PCDHGA1: variants seen among roughly 807,000 people sequenced by gnomAD.
PCDHGA1 encodes protocadherin gamma subfamily A, 1.
PCDHGA1 carries 32 observed loss-of-function variants against 58.0 expected under a neutral mutation model. The ratio of observed to expected loss-of-function variants is 0.55; its 90% CI spans 0.42 to 0.74. PCDHGA1 has a LOEUF of 0.74. PCDHGA1 is among the 30% of genes least tolerant of loss of function. The pLI is 0.00. For synonymous variants in PCDHGA1, 498 were observed against 501.1 expected (o/e 0.99, Z 0.08); for missense variants, 1,205 against 1,182.3 (o/e 1.02, Z -0.28).
At chr5:141,379,960 T>C (rs1490584684) in intron 1 of PCDHGA1, among the ~76,000 whole-genome samples, 1 of 140,094 alleles carries the variant, frequency 7.1e-6, no homozygotes, top group East Asian at 2.3e-4. Flanking sequence ...AATGCAGTGG[T>C]GTGATCTCTG....
intron 1 of PCDHGA1, chr5:141,423,748 T>TG: frequency 7.2e-6 from 2 of 278,014 alleles, no homozygotes; most frequent in Admixed American, 4.2e-4. Flanking sequence ...ATGAAAACTG[T>TG]TTGGGGGGGG....
chr5:141,458,990 C>T (rs2098958778), intron 1 of PCDHGA1, among the ~76,000 whole-genome samples: 1 of 152,212 alleles, frequency 6.6e-6, no homozygotes, highest in Non-Finnish European at 1.5e-5. Context: ...GCCTCACCCT[C>T]CCAAAGTGCT....
At chr5:141,396,656 G>A (rs6580187) in intron 1 of PCDHGA1, 27,943 of 151,880 alleles carry the variant, frequency 0.18, 3,100 homozygotes, top group African/African-American at 0.31. Flanking sequence ...GTAAAAACTC[G>A]GTATAGGCTA....
chr5:141,407,807 T>C (rs916388568), intron 1 of PCDHGA1, among the ~76,000 whole-genome samples: 1 of 152,202 alleles, frequency 6.6e-6, no homozygotes, highest in African/African-American at 2.4e-5. Flanking sequence ...CATAGAAATA[T>C]CTACTATAAT....
chr5:141,365,390 A>T (rs1763883184), intron 1 of PCDHGA1: 1 of 1,613,850 alleles, frequency 6.2e-7, no homozygotes, highest in African/African-American at 1.3e-5. Context: ...CTCTCTGACC[A>T]GTTCGATCTC....
At chr5:141,365,654 G>A (rs952946348) in intron 1 of PCDHGA1, 4 of 1,613,378 alleles carry the variant, frequency 2.5e-6, no homozygotes, top group Non-Finnish European at 3.4e-6. Flanking sequence ...CCCCTTGAAA[G>A]TAGCAGACGT....
intron 1 of PCDHGA1, among the ~76,000 whole-genome samples, chr5:141,461,985 G>C (rs894777268): frequency 2.6e-5 from 4 of 152,170 alleles, no homozygotes; most frequent in Non-Finnish European, 5.9e-5. Flanking sequence ...CACCACGCCA[G>C]GCTAATTTTG....
intron 1 of PCDHGA1, chr5:141,365,631 C>G (rs973353724): frequency 6.2e-7 from 1 of 1,613,644 alleles, no homozygotes; most frequent in African/African-American, 1.3e-5. Flanking sequence ...CCCCTCTCTA[C>G]AGAAAGCCAC....
chr5:141,417,618 G>C, intron 1 of PCDHGA1: 3 of 654,348 alleles, frequency 4.6e-6, no homozygotes, highest in Non-Finnish European at 7.4e-6. Flanking sequence ...CCAGTGCAGA[G>C]CAAGCGCTGA....
chr5:141,420,911 T>C (rs948220220), intron 1 of PCDHGA1: 6 of 313,968 alleles, frequency 1.9e-5, no homozygotes, highest in Admixed American at 1.8e-4. Flanking sequence ...CAAATACGTG[T>C]GATTCACAAA....
Position 141,431,804 on chromosome 5 carries a change from C to G in PCDHGA1, c.2422-63003C>G. On this transcript the variant is annotated intron_variant, in intron 1 of 3. Transcript: ENST00000517417. This position sits in a 1 kb window ranked among gnomAD's most constrained non-coding sequence, Gnocchi z 4.8. Reference sequence around the variant, plus strand: ...GAACGACAATGCCCCAGAAGTGGTCCTCACCTCTCTCGCCAGCTCGGTTCC... The same window carrying G: ...GAACGACAATGCCCCAGAAGTGGTCGTCACCTCTCTCGCCAGCTCGGTTCC... 6.2e-7 allele frequency: 1 copy of G among 1,614,232 alleles called. No homozygotes were observed. The highest frequency in any genetic ancestry group is 1.3e-5 in the African/African-American group (1 of 75,056).
chr5:141,360,241 T>C lies in PCDHGA1; in HGVS notation c.2421+27136T>C, dbSNP rs371403228. The C allele has an allele frequency of 6.4e-5, 103 of 1,613,930 alleles. No homozygotes were observed. The African/African-American group carries it at 1.3e-3, about 20-fold the overall frequency. ...GGCTCTCCCAGTCCAGATCCGCTATTCAATTCCAGAGGAGCTGGCCAAAAA... is the reference window on the plus strand; with the variant it reads ...GGCTCTCCCAGTCCAGATCCGCTATCCAATTCCAGAGGAGCTGGCCAAAAA... On this transcript the variant is annotated intron_variant, in intron 1 of 3. Transcript: ENST00000517417.
rs866649962 is a variant in PCDHGA1 at position 141,482,106 on chromosome 5, T to A, written c.2422-12701T>A. Reference sequence around the variant, plus strand: ...CTCCATCTCAAAAAAAAAAAAAAAATATCTAGAGATGGGAGAATCATATGG... The same window carrying A: ...CTCCATCTCAAAAAAAAAAAAAAAAAATCTAGAGATGGGAGAATCATATGG... On this transcript the variant is annotated intron_variant, in intron 1 of 3. Transcript: ENST00000517417. 2.5e-3 allele frequency among the ~76,000 whole-genome samples: 342 copies of A among 138,882 alleles called. 1 individual carries two copies. Among genetic ancestry groups the A allele is most frequent in the Middle Eastern group, 0.011 (3 of 272 alleles). 91.1% of individuals were successfully genotyped at this position (138,882 alleles called of 152,430 possible). A position where few individuals can be genotyped will look rare whatever the true frequency, so the allele number is the denominator to read the frequency against.
At chr5:141,494,780 G>A (rs1314622459) in intron 1 of PCDHGA1, 27 bp from the exon 2 acceptor site, 13 of 1,613,898 alleles carry the variant, frequency 8.1e-6, no homozygotes, top group African/African-American at 1.3e-5. Context: ...CGGGTACTCA[G>A]CCCCTTTCCC....
intron 1 of PCDHGA1, chr5:141,404,452 T>G (rs1197188094): frequency 2.5e-6 from 4 of 1,613,228 alleles, no homozygotes; most frequent in Non-Finnish European, 3.4e-6. Context: ...AAGGGTCTCC[T>G]CTCTCCACCT....
At position 141,403,513 on chromosome 5, in the gene PCDHGA1, T is replaced by G. The variant is rs754840157; in HGVS notation, c.2421+70408T>G. ...CCCTGAACGTGCAGACTGGAGACAATGGAGCCATAAACCCAGAGCTGGTGC... is the reference window on the plus strand; with the variant it reads ...CCCTGAACGTGCAGACTGGAGACAAGGGAGCCATAAACCCAGAGCTGGTGC... On this transcript the variant is annotated intron_variant, in intron 1 of 3. Coordinates refer to ENST00000517417, the MANE Select transcript of PCDHGA1 (RefSeq NM_018912.3). 8.1e-5 allele frequency: 131 copies of G among 1,613,832 alleles called. 1 individual carries two copies. In the African/African-American group the frequency reaches 1.2e-3, roughly 15 times the overall value.
At chr5:141,418,145 T>G in intron 1 of PCDHGA1, 4 of 1,614,052 alleles carry the variant, frequency 2.5e-6, no homozygotes, top group Non-Finnish European at 3.4e-6. Flanking sequence ...TGAGCAAATA[T>G]GCAAAGAGAG....
At position 141,511,262 on chromosome 5, in the gene PCDHGA1, G is replaced by A; in HGVS notation, c.*89G>A. 1 of 1,556,036 alleles carries A rather than the reference G, an allele frequency of 6.4e-7. No individual in the cohort carries two copies. The highest frequency in any genetic ancestry group is 8.7e-7 in the Non-Finnish European group (1 of 1,150,444). On this transcript the variant is annotated 3_prime_UTR_variant, in exon 4 of 4. Transcript: ENST00000517417. ...TGCACCCAGGCCTCAGAGTTTCAGG[G>A]CTAACCCCCAGAATACTGGTAGGGG...
At position 141,477,107 on chromosome 5, in the gene PCDHGA1, C is replaced by A. The variant is rs1431445150; in HGVS notation, c.2422-17700C>A. ...CCAGGCCAAAGACAAGGGCGCCAAT[C>A]CCGAAGGAGCACATTGCAAAGTGTT... On this transcript the variant is annotated intron_variant, in intron 1 of 3. Coordinates refer to ENST00000517417, the MANE Select transcript of PCDHGA1 (RefSeq NM_018912.3). This position sits in a 1 kb window ranked among gnomAD's most constrained non-coding sequence, Gnocchi z 4.9. 1 of 1,614,252 alleles carries A rather than the reference C, an allele frequency of 6.2e-7. No homozygotes were observed. The highest frequency in any genetic ancestry group is 8.5e-7 in the Non-Finnish European group (1 of 1,180,048).
Sources: allele counts gnomAD v4.1 joint callset (sites outside exome capture counted in the v4.1 genomes callset), GRCh38; gene constraint gnomAD v4.1.1; non-coding constraint Gnocchi (gnomAD v3.1); transcripts MANE v1.5; gene names NCBI Gene and HGNC (gene_info 2026-07-23, HGNC 2026-07-21).